BCAT1: variants seen among roughly 807,000 people sequenced by gnomAD.
The protein encoded by BCAT1 is branched chain amino acid transaminase 1.
In BCAT1, 48 loss-of-function variants were observed where a neutral mutation model predicts 52.4. The ratio of observed to expected loss-of-function variants is 0.92; its 90% CI spans 0.73 to 1.16. BCAT1 has a LOEUF of 1.16. BCAT1 is among the 50% of genes most tolerant of loss of function. BCAT1 has a pLI of 0.00. For synonymous variants in BCAT1, 167 were observed against 161.3 expected, an observed-to-expected ratio of 1.04 and a Z score of -0.27; for missense variants, 451 against 457.1, an observed-to-expected ratio of 0.99 and a Z score of 0.12.
intron 1 of BCAT1, among the ~76,000 whole-genome samples, chr12:24,912,871 G>C (rs1430176556): frequency 1.3e-5 from 2 of 152,184 alleles, no homozygotes; most frequent in African/African-American, 4.8e-5. Flanking sequence ...TCAGAAGGTT[G>C]CTCAAAATCA....
chr12:24,880,806 T>C (rs1942468905), intron 4 of BCAT1, among the ~76,000 whole-genome samples: 1 of 151,262 alleles, frequency 6.6e-6, no homozygotes, highest in South Asian at 2.1e-4. Flanking sequence ...ATTGTGGAAT[T>C]GCCAAATGAT....
At chr12:24,864,598 T>C (rs1219820641) in intron 5 of BCAT1, among the ~76,000 whole-genome samples, 2 of 152,258 alleles carry the variant, frequency 1.3e-5, no homozygotes, top group African/African-American at 4.8e-5. Flanking sequence ...TAACTATCAG[T>C]TTTCCCTTCC....
chr12:24,901,114 A>G (rs1171732257), intron 2 of BCAT1, among the ~76,000 whole-genome samples: 1 of 152,134 alleles, frequency 6.6e-6, no homozygotes, highest in Non-Finnish European at 1.5e-5. Flanking sequence ...GAGAGAGCTC[A>G]ATGTGTGAGA....
At chr12:24,895,517 C>T (rs1023934322) in intron 2 of BCAT1, among the ~76,000 whole-genome samples, 2 of 148,136 alleles carry the variant, frequency 1.4e-5, no homozygotes, top group Non-Finnish European at 3.0e-5. Flanking sequence ...CAGAGCAAGA[C>T]TCTGTCTCAG....
At chr12:24,915,404 A>G (rs1412421478) in intron 1 of BCAT1, among the ~76,000 whole-genome samples, 1 of 152,226 alleles carries the variant, frequency 6.6e-6, no homozygotes, top group Non-Finnish European at 1.5e-5. Context: ...GGTTATTTTT[A>G]TTTTACTTCA....
chr12:24,882,894 C>T (rs1433129529), intron 3 of BCAT1, among the ~76,000 whole-genome samples: 2 of 152,164 alleles, frequency 1.3e-5, no homozygotes, highest in African/African-American at 4.8e-5. Flanking sequence ...AGCCACTGCA[C>T]CTGGCCTGCA....
intron 5 of BCAT1, 37 bp downstream of exon 5, chr12:24,878,493 C>A: frequency 6.3e-7 from 1 of 1,579,394 alleles, no homozygotes; most frequent in Non-Finnish European, 8.6e-7. Context: ...AATAACTTGC[C>A]CAGCAAAGTA....
chr12:24,925,843 C>T (rs1217851029), intron 1 of BCAT1, among the ~76,000 whole-genome samples: 4 of 152,132 alleles, frequency 2.6e-5, no homozygotes, highest in South Asian at 2.1e-4. Context: ...CTGCCAGCCT[C>T]GGCCTCCCGA....
At chr12:24,864,550 G>A (rs1452308539) in intron 5 of BCAT1, among the ~76,000 whole-genome samples, 1 of 152,132 alleles carries the variant, frequency 6.6e-6, no homozygotes, top group Non-Finnish European at 1.5e-5. Flanking sequence ...CTTAGAAGGA[G>A]AACTATGATA....
In BCAT1 at chr12:24,924,223, C is replaced by T. The variant is rs184627067; in HGVS notation, c.7-22338G>A. ...GTAACTTGTAAGAAAATAACAGTAA[C>T]AAATTATAATGAGAGGAGGGAGAGA... On this transcript the variant is annotated intron_variant, in intron 1 of 10. Transcript: ENST00000261192. 6.7e-4 allele frequency among the ~76,000 whole-genome samples: 102 copies of T among 152,118 alleles called. 1 individual carries two copies. Among genetic ancestry groups the T allele is most frequent in the African/African-American group, 2.4e-3 (100 of 41,480 alleles).
chr12:24,824,231 TTTCCTTCC>T (rs560798912), intron 10 of BCAT1, among the ~76,000 whole-genome samples: 2 of 21,070 alleles, frequency 9.5e-5, no homozygotes, highest in South Asian at 2.0e-3. Context: ...TGAGTTTACA[TTTCCTTCC>T]TTCCTTCCTT....
intron 1 of BCAT1, among the ~76,000 whole-genome samples, chr12:24,942,006 A>G (rs1291783330): frequency 6.6e-6 from 1 of 152,230 alleles, no homozygotes; most frequent in African/African-American, 2.4e-5. Flanking sequence ...AAACGGTCTC[A>G]TGCACTAAAC....
chr12:24,912,007 G>C (rs1437327971), intron 1 of BCAT1, among the ~76,000 whole-genome samples: 1 of 152,110 alleles, frequency 6.6e-6, no homozygotes, highest in Non-Finnish European at 1.5e-5. Context: ...GGATTGCTTT[G>C]GAGAAAATTT....
intron 2 of BCAT1, among the ~76,000 whole-genome samples, chr12:24,895,168 T>C (rs1942931591): frequency 6.6e-6 from 1 of 152,192 alleles, no homozygotes; most frequent in South Asian, 2.1e-4. Context: ...GCTCCCGACA[T>C]AGCCAGTTTG....
intron 1 of BCAT1, among the ~76,000 whole-genome samples, chr12:24,942,592 G>C (rs1943866134): frequency 6.6e-6 from 1 of 151,384 alleles, no homozygotes; most frequent in Non-Finnish European, 1.5e-5. Context: ...ATACACCCTT[G>C]TTACAATCAG....
At chr12:24,872,009 G>A (rs1400243787) in intron 5 of BCAT1, among the ~76,000 whole-genome samples, 1 of 152,148 alleles carries the variant, frequency 6.6e-6, no homozygotes, top group Non-Finnish European at 1.5e-5. Context: ...CACATTAAAT[G>A]TATAGACAGT....
chr12:24,934,616 C>T (rs570156072), intron 1 of BCAT1, among the ~76,000 whole-genome samples: 4 of 152,226 alleles, frequency 2.6e-5, no homozygotes, highest in Middle Eastern at 3.4e-3. Context: ...TGCAGTGGTG[C>T]GATCTTGGCT....
chr12:24,817,905 G>A lies in BCAT1; in HGVS notation c.*103C>T. 8.3e-7 allele frequency: 1 copy of A among 1,209,924 alleles called. No individual in the cohort carries two copies. The highest frequency in any genetic ancestry group is 1.3e-5 in the South Asian group (1 of 78,278). 74.9% of individuals were successfully genotyped at this position (1,209,924 alleles called of 1,614,324 possible). On this transcript the variant is annotated 3_prime_UTR_variant, in exon 11 of 11. Transcript: ENST00000261192. The stretch of plus-strand genomic sequence containing the variant: ...ACATTGATACTACAAACTACATTAT[G>A]CACAGGTAGCCAAAGAAATCTATCA...
intron 3 of BCAT1, 77 bp from the exon 4 acceptor site, chr12:24,881,488 G>A (rs1942496974): frequency 1.1e-6 from 1 of 904,534 alleles, no homozygotes; most frequent in Admixed American, 2.0e-5. Context: ...ACTTTCCTAT[G>A]GGCGTTCATC....
Sources: allele counts gnomAD v4.1 joint callset (sites outside exome capture counted in the v4.1 genomes callset), GRCh38; gene constraint gnomAD v4.1.1; transcripts MANE v1.5; gene names NCBI Gene and HGNC (gene_info 2026-07-23, HGNC 2026-07-21).